WWOX: variants seen among roughly 807,000 people sequenced by gnomAD.
The protein encoded by WWOX is WW domain containing oxidoreductase.
Under a neutral mutation model 46.2 loss-of-function variants are expected in WWOX, and 69 were observed. The ratio of observed to expected loss-of-function variants is 1.49; its 90% CI spans 1.23 to 1.82. The LOEUF is 1.82. WWOX is among the 40% of genes most tolerant of loss of function. The probability of loss-of-function intolerance (pLI) is 0.00; values close to 1 mark genes in which losing one functional copy is unlikely to be tolerated. For synonymous variants in WWOX, 359 were observed against 202.6 expected (o/e 1.77, Z -6.56); for missense variants, 919 against 542.6 (o/e 1.69, Z -6.89).
chr16:78,189,464 C>G (rs1243582341), intron 5 of WWOX, among the ~76,000 whole-genome samples: 2 of 152,092 alleles, frequency 1.3e-5, no homozygotes, highest in African/African-American at 2.4e-5. Context: ...TGTAATAATG[C>G]TGGATCATTT....
In WWOX at chr16:78,706,841, G is replaced by A. The variant is rs143408539; in HGVS notation, c.1056+274089G>A. Among the ~76,000 whole-genome samples the A allele has an allele frequency of 3.9e-5, 6 of 152,144 alleles. No homozygotes were observed. In the South Asian group the frequency reaches 6.2e-4, roughly 16 times the overall value. On this transcript the variant is annotated intron_variant, in intron 8 of 8. Coordinates refer to ENST00000566780, the MANE Select transcript of WWOX (RefSeq NM_016373.4). ...GAGACAGATCTCACTTTATCACCCA[G>A]TCTGGAGTGTAATTGACGCAATCCT...
chr16:78,770,179 C>T (rs12598098), intron 8 of WWOX, among the ~76,000 whole-genome samples: 5,196 of 152,036 alleles, frequency 0.034, 150 homozygotes, highest in East Asian at 0.086. Flanking sequence ...GGTGAAACCC[C>T]GTCTCTACTA....
chr16:78,694,408 C>G (rs977637718), intron 8 of WWOX, among the ~76,000 whole-genome samples: 30 of 152,162 alleles, frequency 2.0e-4, no homozygotes, highest in Admixed American at 1.3e-3. Flanking sequence ...TTTCCTGAAA[C>G]AATGCCCTTC....
intron 8 of WWOX, among the ~76,000 whole-genome samples, chr16:78,967,026 G>A (rs13339083): frequency 0.43 from 65,158 of 151,906 alleles, 14,558 homozygotes; most frequent in Non-Finnish European, 0.46. Flanking sequence ...AGAATATGCA[G>A]ACTATTCAAA....
At chr16:78,756,173 T>C (rs2049641460) in intron 8 of WWOX, among the ~76,000 whole-genome samples, 2 of 152,222 alleles carry the variant, frequency 1.3e-5, no homozygotes, top group Admixed American at 1.3e-4. Flanking sequence ...TAGTATGTAC[T>C]GCCTCTGGCT....
At chr16:78,768,090 A>G (rs542676069) in intron 8 of WWOX, among the ~76,000 whole-genome samples, 8 of 151,534 alleles carry the variant, frequency 5.3e-5, no homozygotes, top group African/African-American at 1.9e-4. Flanking sequence ...TTGTATTCTT[A>G]TTATGTGTTT....
chr16:79,135,886 C>T (rs891535396), intron 8 of WWOX, among the ~76,000 whole-genome samples: 5 of 152,132 alleles, frequency 3.3e-5, no homozygotes, highest in East Asian at 1.9e-4. Flanking sequence ...TCCATATTCT[C>T]GGTCCAGCTT....
intron 8 of WWOX, among the ~76,000 whole-genome samples, chr16:78,744,980 A>G (rs78829357): frequency 6.6e-6 from 1 of 151,874 alleles, no homozygotes; most frequent in Non-Finnish European, 1.5e-5. Context: ...CTTCATCATG[A>G]CTCCTGGCTT....
At chr16:78,787,324 C>T (rs1279285342) in intron 8 of WWOX, among the ~76,000 whole-genome samples, 1 of 152,160 alleles carries the variant, frequency 6.6e-6, no homozygotes, top group Non-Finnish European at 1.5e-5. Context: ...GGTCATTCCC[C>T]ATTTCCTCCT....
At chr16:78,554,489 A>ATAG (rs1323981522) in intron 8 of WWOX, among the ~76,000 whole-genome samples, 1 of 152,234 alleles carries the variant, frequency 6.6e-6, no homozygotes, top group Non-Finnish European at 1.5e-5. Flanking sequence ...AGTGATAGAT[A>ATAG]TAGATACATA....
intron 8 of WWOX, among the ~76,000 whole-genome samples, chr16:78,575,316 A>G (rs1432952553): frequency 6.7e-6 from 1 of 150,178 alleles, no homozygotes; most frequent in Non-Finnish European, 1.5e-5. Flanking sequence ...TCTCCCTAAT[A>G]CTGTTCCTAG....
At chr16:78,650,752 T>C (rs1267013903) in intron 8 of WWOX, among the ~76,000 whole-genome samples, 2 of 152,214 alleles carry the variant, frequency 1.3e-5, no homozygotes, top group Non-Finnish European at 2.9e-5. Context: ...GGTTATGGAA[T>C]GGGTTTCCAT....
At position 78,255,460 on chromosome 16, in the gene WWOX, A is replaced by T. The variant is rs538698536; in HGVS notation, c.516+91171A>T. On this transcript the variant is annotated intron_variant, in intron 5 of 8. Coordinates refer to ENST00000566780, the MANE Select transcript of WWOX (RefSeq NM_016373.4). ...CGGTTACTTCTCTCTTTGTTGCTTA[A>T]GCAGAGGAGAAACAGAAGTCATAGC... Among the ~76,000 whole-genome samples, 6 of 152,364 alleles carry T rather than the reference A, an allele frequency of 3.9e-5. No individual in the cohort carries two copies. The South Asian group carries it at 1.2e-3, about 32-fold the overall frequency.
intron 8 of WWOX, among the ~76,000 whole-genome samples, chr16:79,052,178 A>C: frequency 6.6e-6 from 1 of 151,850 alleles, no homozygotes; most frequent in Non-Finnish European, 1.5e-5. Flanking sequence ...TCCCAATGCT[A>C]TCCCTCCCCC....
At chr16:78,547,472 C>G (rs753718488) in intron 8 of WWOX, among the ~76,000 whole-genome samples, 1 of 152,190 alleles carries the variant, frequency 6.6e-6, no homozygotes, top group African/African-American at 2.4e-5. Context: ...CTAGTGTTGA[C>G]TGTGCTCTAG....
At chr16:78,843,046 A>G (rs1010212478) in intron 8 of WWOX, among the ~76,000 whole-genome samples, 1 of 150,026 alleles carries the variant, frequency 6.7e-6, no homozygotes, top group African/African-American at 2.4e-5. Flanking sequence ...TGCTGCAAAC[A>G]TTGCACTAAT....
rs114856151 is a variant in WWOX at position 78,893,311 on chromosome 16, G to A, written c.1057-318297G>A. 1.7e-3 allele frequency among the ~76,000 whole-genome samples: 263 copies of A among 152,258 alleles called. 6 individuals are homozygous for A. Among genetic ancestry groups the A allele is most frequent in the East Asian group, 0.014 (70 of 5,172 alleles). The stretch of plus-strand genomic sequence containing the variant: ...CACAGTAAGCACAGAGTCAGGCCTC[G>A]AAAAATACCAGTCCTTTCGCCTGTC... On this transcript the variant is annotated intron_variant, in intron 8 of 8. Transcript: ENST00000566780.
chr16:78,908,540 G>A (rs1567641374), intron 8 of WWOX, among the ~76,000 whole-genome samples: 1 of 22,434 alleles, frequency 4.5e-5, no homozygotes, highest in Non-Finnish European at 3.2e-4. Flanking sequence ...ACTCTGTCTC[G>A]GAAAAAAAAA....
intron 8 of WWOX, among the ~76,000 whole-genome samples, chr16:79,070,321 A>G (rs72795658): frequency 6.6e-6 from 1 of 151,014 alleles, no homozygotes; most frequent in East Asian, 1.9e-4. Flanking sequence ...CCAGAAACCA[A>G]CTGGGAAGGG....
Sources: gnomAD v4.1 joint callset for allele counts (sites outside exome capture counted in the v4.1 genomes callset) on GRCh38, gnomAD v4.1.1 for gene constraint, MANE v1.5 for transcripts, NCBI Gene and HGNC (gene_info 2026-07-23, HGNC 2026-07-21) for gene names.